Variants in NRG1 observed in about 807,000 individuals in gnomAD.
NRG1 encodes pro-neuregulin-1, membrane-bound isoform.
Under a neutral mutation model 63.8 loss-of-function variants are expected in NRG1, and 18 were observed. That is an observed-to-expected ratio of 0.28 (90% CI 0.19 to 0.42). The LOEUF (loss-of-function observed/expected upper bound fraction) is 0.42, where lower values mean the gene tolerates loss of function less well. Ranked by LOEUF, NRG1 falls within the 10% of genes least tolerant of loss-of-function variation. NRG1 has a pLI of 1.00. For missense variants in NRG1, 762 were observed against 814.7 expected, an observed-to-expected ratio of 0.94 and a Z score of 0.79; for synonymous variants, 302 against 301.3, an observed-to-expected ratio of 1.00 and a Z score of -0.02.
intron 5 of NRG1, among the ~76,000 whole-genome samples, chr8:32,682,344 T>G (rs1808894851): frequency 6.6e-6 from 1 of 152,192 alleles, no homozygotes; most frequent in Non-Finnish European, 1.5e-5. Context: ...AAAGTCACCT[T>G]GGTTGTAATC....
chr8:32,697,526 G>A (rs1263700437), intron 5 of NRG1, among the ~76,000 whole-genome samples: 3 of 152,080 alleles, frequency 2.0e-5, no homozygotes, highest in Non-Finnish European at 2.9e-5. Context: ...GTCTTTCCTG[G>A]GGCTGGTATG....
chr8:32,449,892 T>A (rs1820746048), intron 1 of NRG1, among the ~76,000 whole-genome samples: 1 of 152,144 alleles, frequency 6.6e-6, no homozygotes. Context: ...ATACAACCTA[T>A]GCAATCGTGA....
chr8:32,527,998 G>A (rs1039308116), intron 1 of NRG1, among the ~76,000 whole-genome samples: 6 of 152,026 alleles, frequency 3.9e-5, no homozygotes, highest in Admixed American at 2.0e-4. Context: ...TACATGTGCC[G>A]TTCCCCTTTG....
chr8:32,125,967 C>T (rs1834023795), intron 1 of NRG1, among the ~76,000 whole-genome samples: 1 of 151,866 alleles, frequency 6.6e-6, no homozygotes, highest in Non-Finnish European at 1.5e-5. Context: ...GATGTGATCC[C>T]TCTTTTCTCT....
intron 1 of NRG1, among the ~76,000 whole-genome samples, chr8:32,140,236 A>G (rs1836069352): frequency 6.6e-6 from 1 of 152,130 alleles, no homozygotes. Context: ...AATGTCTGCA[A>G]TGTCATTAAG....
chr8:32,050,935 A>G (rs1480959835), intron 1 of NRG1, among the ~76,000 whole-genome samples: 1 of 152,208 alleles, frequency 6.6e-6, no homozygotes, highest in Non-Finnish European at 1.5e-5. Flanking sequence ...CAGATGATTT[A>G]TAACACAGAG....
At chr8:32,190,636 ACAGT>A (rs1842403582) in intron 1 of NRG1, among the ~76,000 whole-genome samples, 1 of 152,210 alleles carries the variant, frequency 6.6e-6, no homozygotes, top group Non-Finnish European at 1.5e-5. Flanking sequence ...CTCTATGAGT[ACAGT>A]CATTTATTAT....
intron 1 of NRG1, among the ~76,000 whole-genome samples, chr8:31,756,300 T>C (rs1816958808): frequency 6.6e-6 from 1 of 152,126 alleles, no homozygotes; most frequent in Non-Finnish European, 1.5e-5. Flanking sequence ...TACCCATCTC[T>C]GTGAAACTGA....
chr8:31,861,388 T>C (rs574716525), intron 1 of NRG1, among the ~76,000 whole-genome samples: 1 of 152,170 alleles, frequency 6.6e-6, no homozygotes, highest in East Asian at 1.9e-4. Flanking sequence ...GAGGCAGTGT[T>C]CAAAATCTAT....
chr8:32,461,941 G>A (rs1041547326), intron 1 of NRG1, among the ~76,000 whole-genome samples: 3 of 152,090 alleles, frequency 2.0e-5, no homozygotes, highest in Non-Finnish European at 4.4e-5. Context: ...GCTTGAACTC[G>A]AAAAGTTTTA....
intron 1 of NRG1, among the ~76,000 whole-genome samples, chr8:32,222,147 G>T (rs1845891560): frequency 1.3e-5 from 2 of 151,850 alleles, no homozygotes; most frequent in Admixed American, 6.6e-5. Context: ...ATACACAAGG[G>T]TCTCCAATAA....
intron 1 of NRG1, among the ~76,000 whole-genome samples, chr8:32,092,468 AAAAAAAAAAAAG>A (rs1829315676): frequency 6.6e-6 from 1 of 151,294 alleles, no homozygotes; most frequent in African/African-American, 2.4e-5. Context: ...TCTCAAAAAA[AAAAAAAAAAAAG>A]AAAAAGAAAA....
upstream of NRG1, among the ~76,000 whole-genome samples, chr8:32,546,019 C>A (rs899715735): frequency 6.6e-6 from 1 of 152,106 alleles, no homozygotes; most frequent in Non-Finnish European, 1.5e-5. Context: ...TCATTCATTC[C>A]TCAGCCCTAA....
At chr8:32,186,417 C>T (rs145152497) in intron 1 of NRG1, among the ~76,000 whole-genome samples, 3,172 of 147,566 alleles carry the variant, frequency 0.021, 123 homozygotes, top group African/African-American at 0.076. Flanking sequence ...GCCGAGATGG[C>T]GCCACTGCCC....
chr8:31,772,891 A>G (rs765127380), intron 1 of NRG1, among the ~76,000 whole-genome samples: 12 of 152,188 alleles, frequency 7.9e-5, no homozygotes, highest in African/African-American at 1.7e-4. Flanking sequence ...ATGCTGTTCA[A>G]TCATACATTT....
intron 5 of NRG1, among the ~76,000 whole-genome samples, chr8:32,662,544 TGAGAATAGCTTGTGGA>T (rs981173988): frequency 6.6e-6 from 1 of 152,124 alleles, no homozygotes; most frequent in African/African-American, 2.4e-5. Flanking sequence ...CCTGCTGTGT[TGAGAATAGCTTGTGGA>T]GAAGGATCCC....
chr8:32,013,279 AT>A (rs1376882409), intron 1 of NRG1, among the ~76,000 whole-genome samples: 1 of 152,210 alleles, frequency 6.6e-6, no homozygotes, highest in East Asian at 1.9e-4. Flanking sequence ...GAAATTTTAA[AT>A]TAGTAAAATG....
chr8:31,971,940 C>T lies in NRG1; in HGVS notation c.37+332509C>T, dbSNP rs1484507485. Among the ~76,000 whole-genome samples the T allele has an allele frequency of 2.0e-5, 3 of 152,092 alleles. No individual in the cohort carries two copies. In the East Asian group the frequency reaches 5.8e-4, roughly 29 times the overall value. On this transcript the variant is annotated intron_variant, in intron 1 of 10. Coordinates refer to the NRG1 transcript ENST00000519301. Reference sequence around the variant, plus strand: ...AAATTTCTTACTTGTAGATGGTTAACAAATATTCCACATTCTCTGCATTTT... The same window carrying T: ...AAATTTCTTACTTGTAGATGGTTAATAAATATTCCACATTCTCTGCATTTT...
intron 1 of NRG1, among the ~76,000 whole-genome samples, chr8:32,066,576 T>G (rs1824857721): frequency 6.6e-6 from 1 of 152,108 alleles, no homozygotes; most frequent in African/African-American, 2.4e-5. Flanking sequence ...TACCATGCTG[T>G]TTTGGTTACT....
Sources: gnomAD v4.1 joint callset for allele counts (sites outside exome capture counted in the v4.1 genomes callset) on GRCh38, gnomAD v4.1.1 for gene constraint, MANE v1.5 for transcripts, NCBI Gene and HGNC (gene_info 2026-07-23, HGNC 2026-07-21) for gene names.